The following RALGAPA1 variants were observed in gnomAD, a reference collection of about 807,000 sequenced individuals.
RALGAPA1 encodes Ral GTPase activating protein catalytic subunit alpha 1.
A neutral mutation model predicts 269.6 loss-of-function variants in RALGAPA1; 52 were observed. The ratio of observed to expected loss-of-function variants is 0.19; its 90% CI spans 0.15 to 0.24. The LOEUF (loss-of-function observed/expected upper bound fraction) is 0.24. Among genes scored for constraint, RALGAPA1 ranks in the 10% least tolerant of loss-of-function variants. RALGAPA1 has a pLI of 1.00. For missense variants in RALGAPA1, 1,917 were observed against 3,013.9 expected, an observed-to-expected ratio of 0.64 and a Z score of 8.52; for synonymous variants, 817 against 1,008.3, an observed-to-expected ratio of 0.81 and a Z score of 3.60.
chr14:35,753,393 A>G (rs2072901593), intron 7 of RALGAPA1, among the ~76,000 whole-genome samples: 1 of 152,220 alleles, frequency 6.6e-6, no homozygotes, highest in African/African-American at 2.4e-5. Context: ...TGTAGAAGTA[A>G]TGATGGAATT....
At chr14:35,748,954 C>A in intron 9 of RALGAPA1, 130 bp from the exon 10 acceptor site, 1 of 1,356,828 alleles carries the variant, frequency 7.4e-7, no homozygotes, top group Non-Finnish European at 9.6e-7. Flanking sequence ...ACTGCTTAAA[C>A]TCCGGGCATA....
intron 29 of RALGAPA1, among the ~76,000 whole-genome samples, chr14:35,655,238 A>G (rs1187789723): frequency 1.3e-5 from 2 of 152,138 alleles, no homozygotes; most frequent in Non-Finnish European, 2.9e-5. Flanking sequence ...GCTACTTTGT[A>G]TGTTTAGAGT....
chr14:35,725,833 C>T (rs746810377), intron 13 of RALGAPA1, among the ~76,000 whole-genome samples: 1 of 151,990 alleles, frequency 6.6e-6, no homozygotes, highest in Non-Finnish European at 1.5e-5. Flanking sequence ...AATCAAGGGC[C>T]ATTACTCTAT....
intron 39 of RALGAPA1, among the ~76,000 whole-genome samples, chr14:35,552,719 C>CAAA (rs34917498): frequency 8.5e-6 from 1 of 117,050 alleles, no homozygotes; most frequent in Admixed American, 9.4e-5. Flanking sequence ...ACTAGCCAAT[C>CAAA]AAAAAAAAAA....
chr14:35,590,392 A>G (rs943953900), intron 37 of RALGAPA1, among the ~76,000 whole-genome samples: 3 of 152,180 alleles, frequency 2.0e-5, no homozygotes, highest in African/African-American at 7.2e-5. Flanking sequence ...TGTGTCCCCA[A>G]CCAAATCTCA....
chr14:35,753,601 T>C (rs950765044), intron 7 of RALGAPA1, among the ~76,000 whole-genome samples: 9 of 152,190 alleles, frequency 5.9e-5, no homozygotes, highest in African/African-American at 9.6e-5. Flanking sequence ...GACTACATAT[T>C]GTATGATCCT....
intron 3 of RALGAPA1, among the ~76,000 whole-genome samples, chr14:35,771,708 T>A (rs1348250081): frequency 1.3e-5 from 2 of 152,154 alleles, no homozygotes; most frequent in East Asian, 3.8e-4. Flanking sequence ...TTGCACAGGC[T>A]GGAGTGCACT....
chr14:35,688,054 C>G (rs1426953728), intron 18 of RALGAPA1, among the ~76,000 whole-genome samples: 1 of 152,022 alleles, frequency 6.6e-6, no homozygotes. Context: ...TAAGTGAAAT[C>G]AGTTAGATAT....
chr14:35,727,256 C>T (rs1567100171), intron 13 of RALGAPA1, among the ~76,000 whole-genome samples: 1 of 143,160 alleles, frequency 7.0e-6, no homozygotes, highest in Non-Finnish European at 1.5e-5. Context: ...TGCCTCAAAA[C>T]AGAGAGAAAT....
chr14:35,747,621 G>A (rs1462981245), intron 10 of RALGAPA1, among the ~76,000 whole-genome samples: 3 of 152,202 alleles, frequency 2.0e-5, no homozygotes, highest in African/African-American at 7.2e-5. Context: ...GAATGTGAAT[G>A]CAGTGTGGCA....
intron 31 of RALGAPA1, among the ~76,000 whole-genome samples, chr14:35,649,006 T>G (rs1441807551): frequency 6.6e-6 from 1 of 152,232 alleles, no homozygotes; most frequent in African/African-American, 2.4e-5. Flanking sequence ...CTTACTCTAC[T>G]ATATCGCCTT....
intron 35 of RALGAPA1, among the ~76,000 whole-genome samples, chr14:35,608,975 C>T (rs2059753782): frequency 6.6e-6 from 1 of 152,174 alleles, no homozygotes; most frequent in African/African-American, 2.4e-5. Flanking sequence ...GCCTGTAATC[C>T]CAGCACTTTG....
chr14:35,621,469 TA>T (rs2060622575), intron 35 of RALGAPA1, among the ~76,000 whole-genome samples: 2 of 152,094 alleles, frequency 1.3e-5, no homozygotes, highest in African/African-American at 4.8e-5. Context: ...ACTTCATGAC[TA>T]AAACACCAAA....
Position 35,720,029 on chromosome 14 carries a change from GGC to G in RALGAPA1, c.2266+1657_2266+1658del, listed in dbSNP as rs566239337. ...GGCCTCCCAAAGTGCTGGGATTACAGGCGTAAGCCACCGCGCCCGGCCAACAA... is the reference window on the plus strand; with the variant it reads ...GGCCTCCCAAAGTGCTGGGATTACAGGTAAGCCACCGCGCCCGGCCAACAA... On this transcript the variant is annotated intron_variant, in intron 16 of 41. Transcript: ENST00000680220. 6.6e-4 allele frequency among the ~76,000 whole-genome samples: 101 copies of G among 152,278 alleles called. 1 individual carries two copies. In the South Asian group the frequency reaches 0.021, roughly 31 times the overall value.
intron 37 of RALGAPA1, among the ~76,000 whole-genome samples, chr14:35,576,425 T>C (rs541187743): frequency 6.6e-6 from 1 of 152,350 alleles, no homozygotes; most frequent in South Asian, 2.1e-4. Flanking sequence ...TTTAAGCTTA[T>C]GAAGGTCTAT....
intron 36 of RALGAPA1, among the ~76,000 whole-genome samples, chr14:35,598,935 T>C (rs2059101255): frequency 6.6e-6 from 1 of 152,238 alleles, no homozygotes; most frequent in Non-Finnish European, 1.5e-5. Context: ...TGTGGCTAAC[T>C]TGAACATTTT....
chr14:35,593,986 A>G (rs1214427164), intron 37 of RALGAPA1, among the ~76,000 whole-genome samples: 2 of 152,174 alleles, frequency 1.3e-5, no homozygotes, highest in Non-Finnish European at 2.9e-5. Flanking sequence ...AAATCCAAAC[A>G]TATACAGTAA....
At chr14:35,607,179 CTA>C (rs2139225994) in intron 35 of RALGAPA1, among the ~76,000 whole-genome samples, 1 of 152,344 alleles carries the variant, frequency 6.6e-6, no homozygotes, top group Non-Finnish European at 1.5e-5. Context: ...AGGAAACTCA[CTA>C]AATCTCAGTA....
At chr14:35,806,433 T>C (rs940134577) in intron 1 of RALGAPA1, among the ~76,000 whole-genome samples, 1 of 152,114 alleles carries the variant, frequency 6.6e-6, no homozygotes, top group Non-Finnish European at 1.5e-5. Flanking sequence ...TGACTTCTAG[T>C]TTTTACAAAT....
Sources: gnomAD v4.1 joint callset for allele counts (sites outside exome capture counted in the v4.1 genomes callset) on GRCh38, gnomAD v4.1.1 for gene constraint, MANE v1.5 for transcripts, NCBI Gene and HGNC (gene_info 2026-07-23, HGNC 2026-07-21) for gene names.